The following NLGN1 variants were observed in gnomAD, a reference collection of about 807,000 sequenced individuals.
The protein encoded by NLGN1 is neuroligin 1, also known as neuroligin-1.
NLGN1 carries 12 observed loss-of-function variants against 65.5 expected under a neutral mutation model. The ratio of observed to expected loss-of-function variants is 0.18; its 90% CI spans 0.12 to 0.30. NLGN1 has a LOEUF of 0.30. NLGN1 is among the 10% of genes least tolerant of loss of function. The pLI is 1.00. For synonymous variants in NLGN1, 350 were observed against 359.5 expected (o/e 0.97, Z 0.30); for missense variants, 750 against 1,007.1 (o/e 0.74, Z 3.46).
chr3:173,428,689 C>T (rs1057420070), intron 1 of NLGN1, among the ~76,000 whole-genome samples: 5 of 152,060 alleles, frequency 3.3e-5, no homozygotes, highest in Admixed American at 2.0e-4. Flanking sequence ...TGATACATCA[C>T]AAGTTTAGAG....
intron 3 of NLGN1, among the ~76,000 whole-genome samples, chr3:173,666,774 T>G (rs2149713726): frequency 6.6e-6 from 1 of 152,334 alleles, no homozygotes; most frequent in Non-Finnish European, 1.5e-5. Flanking sequence ...ATGAGAAGCT[T>G]TATTCATAAT....
At chr3:173,842,839 G>A (rs1275928241) in intron 4 of NLGN1, among the ~76,000 whole-genome samples, 1 of 152,166 alleles carries the variant, frequency 6.6e-6, no homozygotes, top group Non-Finnish European at 1.5e-5. Context: ...GAGTCTGGAG[G>A]ATGGTGGCCG....
upstream of NLGN1, among the ~76,000 whole-genome samples, chr3:173,397,460 C>T (rs1716803486): frequency 6.6e-6 from 1 of 152,132 alleles, no homozygotes; most frequent in Non-Finnish European, 1.5e-5. Flanking sequence ...TCCTCCTCCG[C>T]GCGGCATCTC....
chr3:173,533,114 T>C (rs1246273794), intron 2 of NLGN1, among the ~76,000 whole-genome samples: 1 of 152,214 alleles, frequency 6.6e-6, no homozygotes, highest in Non-Finnish European at 1.5e-5. Flanking sequence ...AGCATAATGG[T>C]AATTATTAGA....
chr3:173,551,661 G>C (rs1502474), intron 2 of NLGN1, among the ~76,000 whole-genome samples: 85,748 of 151,654 alleles, frequency 0.57, 24,182 homozygotes, highest in East Asian at 0.8. Flanking sequence ...ACTTTTTATG[G>C]AGTAATGTGA....
At chr3:174,195,789 G>GA (rs146808174) in intron 4 of NLGN1, among the ~76,000 whole-genome samples, 99 of 151,040 alleles carry the variant, frequency 6.6e-4, no homozygotes, top group Middle Eastern at 3.4e-3. Context: ...GAAGTTTGGA[G>GA]AAAAAAAAAC....
In NLGN1 at chr3:173,884,029, G is replaced by A. The variant is rs112884341; in HGVS notation, c.646+76197G>A. 2.2e-3 allele frequency among the ~76,000 whole-genome samples: 338 copies of A among 151,436 alleles called. 2 individuals are homozygous for A. Among genetic ancestry groups the A allele is most frequent in the African/African-American group, 7.7e-3 (320 of 41,312 alleles). On this transcript the variant is annotated intron_variant, in intron 4 of 6. Transcript: ENST00000457714. ...TATTTACCTTTGCATTTAGGGTAGG[G>A]TAAACTAAAGATTTCTTACTGACTT...
chr3:173,737,253 T>C (rs1439260062), intron 3 of NLGN1, among the ~76,000 whole-genome samples: 1 of 151,978 alleles, frequency 6.6e-6, no homozygotes, highest in African/African-American at 2.4e-5. Flanking sequence ...AAAAGTTTTA[T>C]TGAGATTTAA....
intron 4 of NLGN1, among the ~76,000 whole-genome samples, chr3:173,961,605 A>G (rs944764872): frequency 2.0e-5 from 3 of 152,114 alleles, no homozygotes; most frequent in African/African-American, 7.2e-5. Flanking sequence ...GGTGTTAAGT[A>G]TAAAGTGGGT....
chr3:174,062,639 A>G (rs1737665059), intron 4 of NLGN1, among the ~76,000 whole-genome samples: 2 of 152,022 alleles, frequency 1.3e-5, no homozygotes, highest in East Asian at 3.9e-4. Flanking sequence ...CATATATATC[A>G]TTCACTCATA....
At chr3:173,689,362 T>C (rs1765127607) in intron 3 of NLGN1, among the ~76,000 whole-genome samples, 1 of 152,148 alleles carries the variant, frequency 6.6e-6, no homozygotes, top group African/African-American at 2.4e-5. Flanking sequence ...ACTTGGGTAA[T>C]GGAGGAGGCA....
chr3:174,144,164 T>C (rs1276487248), intron 4 of NLGN1, among the ~76,000 whole-genome samples: 2 of 152,152 alleles, frequency 1.3e-5, no homozygotes, highest in Non-Finnish European at 2.9e-5. Flanking sequence ...GAACATGCAG[T>C]GTTTGGTTTT....
intron 4 of NLGN1, among the ~76,000 whole-genome samples, chr3:174,174,814 G>C (rs1429548132): frequency 6.6e-6 from 1 of 151,722 alleles, no homozygotes; most frequent in African/African-American, 2.4e-5. Flanking sequence ...TACGGCTTTT[G>C]CTGTGTCCCA....
intron 1 of NLGN1, among the ~76,000 whole-genome samples, chr3:173,432,359 T>A (rs1243803130): frequency 6.6e-6 from 1 of 152,230 alleles, no homozygotes; most frequent in South Asian, 2.1e-4. Context: ...GAATGAGAGT[T>A]CCTTTTGTTC....
intron 3 of NLGN1, among the ~76,000 whole-genome samples, chr3:173,655,469 A>G (rs1217840057): frequency 6.6e-6 from 1 of 152,014 alleles, no homozygotes; most frequent in East Asian, 1.9e-4. Context: ...TTCTATTCCC[A>G]AGATTTGTTT....
chr3:173,506,213 G>A (rs59769772), intron 2 of NLGN1, among the ~76,000 whole-genome samples: 1,759 of 152,014 alleles, frequency 0.012, 27 homozygotes, highest in African/African-American at 0.04. Context: ...AAAGAATTTG[G>A]AGTGCTTCTA....
At chr3:174,281,190 A>G (rs768543229) in exon 7 of NLGN1, 3 of 1,613,186 alleles carry the variant, frequency 1.9e-6, no homozygotes, top group Non-Finnish European at 2.5e-6. Context: ...GATTCCCAAC[A>G]CTATACCAGG....
rs140909950 is a variant in NLGN1, at chr3:173,428,491, G to T, written c.-389-6519G>T. ...CATAAGGCTTACAAAATATTTTATG[G>T]ATATAACAACTTAAACTGATGGCAA... On this transcript the variant is annotated intron_variant, in intron 1 of 6. Coordinates refer to ENST00000457714, the Ensembl canonical transcript of NLGN1. 7.7e-3 allele frequency among the ~76,000 whole-genome samples: 1,164 copies of T among 151,272 alleles called. 19 individuals carry two copies. The highest frequency in any genetic ancestry group is 0.027 in the African/African-American group (1,101 of 41,282).
intron 1 of NLGN1, among the ~76,000 whole-genome samples, chr3:173,419,765 T>G (rs1714621456): frequency 6.6e-6 from 1 of 151,868 alleles, no homozygotes; most frequent in African/African-American, 2.4e-5. Context: ...GGTCAAGAGA[T>G]CAAGACCATC....
Sources: gnomAD v4.1 joint callset for allele counts (sites outside exome capture counted in the v4.1 genomes callset) on GRCh38, gnomAD v4.1.1 for gene constraint, MANE v1.5 for transcripts, NCBI Gene and HGNC (gene_info 2026-07-23, HGNC 2026-07-21) for gene names.